The following CCNH variants were observed in gnomAD, a reference collection of about 807,000 sequenced individuals.
CCNH encodes cyclin H, also known as cyclin-H.
In CCNH, 31 loss-of-function variants were observed where a neutral mutation model predicts 41.9. That is an observed-to-expected ratio of 0.74 (90% CI 0.56 to 1.00). The LOEUF is 1.00. CCNH is among the 50% of genes least tolerant of loss of function. The pLI, the probability that CCNH is intolerant of heterozygous loss-of-function variation, is 0.00. For synonymous variants in CCNH, 138 were observed against 136.1 expected (o/e 1.01, Z -0.10); for missense variants, 362 against 388.4 (o/e 0.93, Z 0.57).
chr5:87,330,943 A>C, intron 9 of CCNH: 1 of 1,429,564 alleles, frequency 7.0e-7, no homozygotes, highest in Non-Finnish European at 9.1e-7. Flanking sequence ...CATAGGTTCC[A>C]TGTGCCTTGT....
chr5:87,412,855 T>C lies in CCNH; in HGVS notation c.-61A>G. 1 of 1,588,080 alleles carries C rather than the reference T, an allele frequency of 6.3e-7. No individual in the cohort carries two copies. Among genetic ancestry groups the C allele is most frequent in the South Asian group, 1.1e-5 (1 of 90,296 alleles). On this transcript the variant is annotated 5_prime_UTR_variant, in exon 1 of 9. Coordinates refer to ENST00000256897, the MANE Select transcript of CCNH (RefSeq NM_001239.4). ...CGAGAACCCAAACGCATCAGCGTCC[T>C]GGCGTAAAACACCCGTACCCCCACC...
chr5:87,338,489 G>A (rs886939028), intron 9 of CCNH, among the ~76,000 whole-genome samples: 80 of 118,038 alleles, frequency 6.8e-4, no homozygotes, highest in African/African-American at 2.5e-3. Context: ...GTGCCACCAT[G>A]CCCAGCTAAT....
rs530140560 is a variant in CCNH at position 87,353,376 on chromosome 5, A to G, written c.*91-34479T>C. 1.2e-4 allele frequency: 93 copies of G among 750,750 alleles called. No homozygotes were observed. In the East Asian group the frequency reaches 2.2e-3, roughly 17 times the overall value. The allele number at this position is 750,750 out of a possible 1,614,324, so 46.5% of individuals were successfully genotyped here. A position where few individuals can be genotyped will look rare whatever the true frequency, so the allele number is the denominator to read the frequency against. On this transcript the variant is annotated intron_variant and NMD_transcript_variant, in intron 9 of 9. Transcript: ENST00000645953. Reference sequence around the variant, plus strand: ...TTATTTAGATTTTTTTAGAAAGTCAACTGTAAGAATCTTTTAGTTTTTATC... The same window carrying G: ...TTATTTAGATTTTTTTAGAAAGTCAGCTGTAAGAATCTTTTAGTTTTTATC...
intron 9 of CCNH, among the ~76,000 whole-genome samples, chr5:87,360,475 T>C (rs943960702): frequency 2.6e-5 from 4 of 152,166 alleles, no homozygotes; most frequent in Non-Finnish European, 5.9e-5. Context: ...TGTCCATTGC[T>C]CCATAATTGT....
At chr5:87,365,437 C>T (rs1397955822) in intron 9 of CCNH, among the ~76,000 whole-genome samples, 1 of 152,038 alleles carries the variant, frequency 6.6e-6, no homozygotes, top group East Asian at 1.9e-4. Flanking sequence ...TTACTTTATT[C>T]ACAGCTTCAT....
At chr5:87,364,862 A>G (rs1185570653) in intron 9 of CCNH, among the ~76,000 whole-genome samples, 1 of 152,106 alleles carries the variant, frequency 6.6e-6, no homozygotes, top group Non-Finnish European at 1.5e-5. Context: ...TGAGGTAGCA[A>G]AAGGAATGGG....
At position 87,394,329 on chromosome 5, in the gene CCNH, T is replaced by C. The variant is rs760322498; in HGVS notation, c.*117A>G. 217 of 1,395,198 alleles carry C rather than the reference T, an allele frequency of 1.6e-4. No homozygotes were observed. Among genetic ancestry groups the C allele is most frequent in the Non-Finnish European group, 1.9e-4 (199 of 1,064,496 alleles). 86.4% of individuals were successfully genotyped at this position (1,395,198 alleles called of 1,614,324 possible). A position where few individuals can be genotyped will look rare whatever the true frequency, so the allele number is the denominator to read the frequency against. On this transcript the variant is annotated 3_prime_UTR_variant, in exon 9 of 9. Transcript: ENST00000256897. Reference sequence around the variant, plus strand: ...TTACTGTGAAAGGGAAAGAAAACAATAGAAAAGTTTTAATATATTTTATGT... The same window carrying C: ...TTACTGTGAAAGGGAAAGAAAACAACAGAAAAGTTTTAATATATTTTATGT...
intron 9 of CCNH, among the ~76,000 whole-genome samples, chr5:87,351,882 T>A (rs1043987166): frequency 6.6e-6 from 1 of 151,782 alleles, no homozygotes; most frequent in African/African-American, 2.4e-5. Context: ...TATTGTAACA[T>A]TGAGGTGCTA....
intron 9 of CCNH, among the ~76,000 whole-genome samples, chr5:87,350,809 T>G (rs1759209509): frequency 6.6e-6 from 1 of 151,756 alleles, no homozygotes; most frequent in African/African-American, 2.4e-5. Flanking sequence ...CCTGTGAATT[T>G]GTTTATAAAT....
chr5:87,376,624 A>C, exon 1 of CCNH: 3 of 1,556,452 alleles, frequency 1.9e-6, no homozygotes, highest in Non-Finnish European at 2.7e-6. Flanking sequence ...TTTAACATTT[A>C]ATAAAAGATC....
At position 87,333,381 on chromosome 5, in the gene CCNH, A is replaced by G. The variant is rs367786252; in HGVS notation, c.*91-14484T>C. ...TCATGTATAGGCATTTGAAAGAGCT[A>G]GACTTCGAAGATTTATTACTCTTGG... On this transcript the variant is annotated intron_variant and NMD_transcript_variant, in intron 9 of 9. Transcript: ENST00000645953. 3.7e-6 allele frequency: 6 copies of G among 1,604,892 alleles called. No individual in the cohort carries two copies. In the African/African-American group the frequency reaches 6.7e-5, roughly 18 times the overall value.
Position 87,356,383 on chromosome 5 carries a change from A to AT in CCNH, c.*90+36386dup, listed in dbSNP as rs11409141. On this transcript the variant is annotated intron_variant and NMD_transcript_variant, in intron 9 of 9. Coordinates refer to the CCNH transcript ENST00000645953. ...CTCACTGACGTCCTAGATGATTGTT[A>AT]TTTTTTTTTTTTTTTCTCCCTCCGG... Among the ~76,000 whole-genome samples, 354 of 141,640 alleles carry AT rather than the reference A, an allele frequency of 2.5e-3. 1 individual carries two copies. Among genetic ancestry groups the AT allele is most frequent in the South Asian group, 0.013 (60 of 4,462 alleles). 92.9% of individuals were successfully genotyped at this position (141,640 alleles called of 152,430 possible). A position where few individuals can be genotyped will look rare whatever the true frequency, so the allele number is the denominator to read the frequency against.
intron 9 of CCNH, among the ~76,000 whole-genome samples, chr5:87,338,527 ATATATAAAATT>A (rs1449286068): frequency 2.1e-5 from 2 of 95,418 alleles, no homozygotes; most frequent in Admixed American, 1.0e-4. Context: ...ATATATATAT[ATATATAAAATT>A]TTTTTTTTTT....
the CCNH span, among the ~76,000 whole-genome samples, chr5:87,311,784 A>G: frequency 6.6e-6 from 1 of 152,236 alleles, no homozygotes; most frequent in African/African-American, 2.4e-5. Flanking sequence ...TCCAGAGGTC[A>G]GACTGATACT....
At chr5:87,366,313 A>G (rs1194346490) in intron 9 of CCNH, 6 of 371,836 alleles carry the variant, frequency 1.6e-5, no homozygotes, top group Non-Finnish European at 3.3e-5. Context: ...GATTGAAGAA[A>G]AGCTTTAGCA....
intron 5 of CCNH, among the ~76,000 whole-genome samples, chr5:87,402,896 A>G (rs1191144203): frequency 6.6e-6 from 1 of 152,176 alleles, no homozygotes; most frequent in Non-Finnish European, 1.5e-5. Flanking sequence ...GACTAGACTC[A>G]TTATCTCTGT....
chr5:87,390,466 A>C (rs1162595621), downstream of CCNH, among the ~76,000 whole-genome samples: 1 of 150,576 alleles, frequency 6.6e-6, no homozygotes, highest in Admixed American at 6.7e-5. Flanking sequence ...ATATGACTTG[A>C]CTTGCCTTAG....
Position 87,331,187 on chromosome 5 carries a change from G to A in CCNH, c.*91-12290C>T, listed in dbSNP as rs183084279. On this transcript the variant is annotated intron_variant and NMD_transcript_variant, in intron 9 of 9. Coordinates refer to the CCNH transcript ENST00000645953. The stretch of plus-strand genomic sequence containing the variant: ...GTAAATGAGTATTTTTTGAGACTGA[G>A]GTTAAATTGAGTTAAAATTGGAATA... The A allele has an allele frequency of 9.3e-6, 9 of 970,740 alleles. No homozygotes were observed. The East Asian group carries it at 1.4e-4, about 16-fold the overall frequency. The allele number at this position is 970,740 out of a possible 1,614,324, so 60.1% of individuals were successfully genotyped here. A position where few individuals can be genotyped will look rare whatever the true frequency, so the allele number is the denominator to read the frequency against.
At chr5:87,402,505 G>T (rs1433785315) in intron 5 of CCNH, among the ~76,000 whole-genome samples, 2 of 152,064 alleles carry the variant, frequency 1.3e-5, no homozygotes, top group African/African-American at 4.8e-5. Flanking sequence ...TTCTCAAAAT[G>T]TTAAATAGTT....
Sources: gnomAD v4.1 joint callset for allele counts (sites outside exome capture counted in the v4.1 genomes callset) on GRCh38, gnomAD v4.1.1 for gene constraint, MANE v1.5 for transcripts, NCBI Gene and HGNC (gene_info 2026-07-23, HGNC 2026-07-21) for gene names.